TMEM132E: variants seen among roughly 807,000 people sequenced by gnomAD.
TMEM132E encodes transmembrane protein 132E.
Under a neutral mutation model 78.5 loss-of-function variants are expected in TMEM132E, and 49 were observed. The observed-to-expected ratio is 0.62, with a 90% CI of 0.50 to 0.79. The LOEUF (loss-of-function observed/expected upper bound fraction) is 0.79. Ranked by LOEUF, TMEM132E falls within the 30% of genes least tolerant of loss-of-function variation. The probability of loss-of-function intolerance (pLI) is 0.00; values close to 1 mark genes in which losing one functional copy is unlikely to be tolerated. For missense variants in TMEM132E, 1,403 were observed against 1,470.9 expected (o/e 0.95, Z 0.75); for synonymous variants, 715 against 670.6 (o/e 1.07, Z -1.02).
intron 1 of TMEM132E, among the ~76,000 whole-genome samples, chr17:34,582,535 A>G (rs1478175034): frequency 6.6e-6 from 1 of 151,702 alleles, no homozygotes; most frequent in Admixed American, 6.5e-5. Context: ...TTTTGCGTTC[A>G]GTTCACCAGA....
At chr17:34,581,940 G>T (rs1255667280) in intron 1 of TMEM132E, among the ~76,000 whole-genome samples, 1 of 152,076 alleles carries the variant, frequency 6.6e-6, no homozygotes, top group Non-Finnish European at 1.5e-5. Flanking sequence ...GCGGGTTTTT[G>T]AACAGCCCCC....
chr17:34,629,040 C>A lies in TMEM132E; in HGVS notation c.1174C>A (p.Gln392Lys). The part of the protein sequence containing the change: ...REGQGPLEIL[Q>K]LDFEMENFTS... ...GGGCCAGGGCCCCTTGGAGATCTTGCAGCTGGACTTTGAAATGGAGAACTT... is the reference window on the plus strand; with the variant it reads ...GGGCCAGGGCCCCTTGGAGATCTTGAAGCTGGACTTTGAAATGGAGAACTT... The change falls in exon 4 of 9, where the codon CAG becomes AAG. Residue 392 changes from glutamine (Q) to lysine (K), a missense_variant. Around this residue, in one of 3 missense-constraint regions of TMEM132E, gnomAD observed 888 missense variants for 952.8 expected, o/e 0.93. Coordinates refer to ENST00000631683, the MANE Select transcript of TMEM132E (RefSeq NM_001304438.2). 2.5e-6 allele frequency: 4 copies of A among 1,581,950 alleles called. No individual in the cohort carries two copies. The highest frequency in any genetic ancestry group is 2.6e-6 in the Non-Finnish European group (3 of 1,161,096).
At position 34,581,161 on chromosome 17, in the gene TMEM132E, G is replaced by T. The variant is rs1388764406; in HGVS notation, c.67+18G>T. 3 of 1,501,104 alleles carry T rather than the reference G, an allele frequency of 2.0e-6. No individual in the cohort carries two copies. The South Asian group carries it at 3.8e-5, about 19-fold the overall frequency. 93.0% of individuals were successfully genotyped at this position (1,501,104 alleles called of 1,614,324 possible). ...CGCCCACGGTAAGTGTCGCGGCGCG[G>T]ACTGGGGGTGAGGATGCGGCAGGCG... is the stretch of plus-strand genomic sequence containing the variant. On this transcript the variant is annotated intron_variant, in intron 1 of 8. Transcript: ENST00000631683.
At chr17:34,630,666 C>A (rs1339031487) in intron 5 of TMEM132E, among the ~76,000 whole-genome samples, 4 of 152,146 alleles carry the variant, frequency 2.6e-5, no homozygotes, top group Non-Finnish European at 5.9e-5. Flanking sequence ...CAGGAAGAAG[C>A]CTCAAGAAAC....
intron 1 of TMEM132E, among the ~76,000 whole-genome samples, chr17:34,593,770 T>C (rs759461266): frequency 2.0e-5 from 3 of 152,206 alleles, no homozygotes; most frequent in Non-Finnish European, 2.9e-5. Context: ...ACAAGTCAAA[T>C]CATCACCCTT....
At chr17:34,622,203 T>C (rs1906983740) in intron 1 of TMEM132E, among the ~76,000 whole-genome samples, 1 of 152,152 alleles carries the variant, frequency 6.6e-6, no homozygotes, top group South Asian at 2.1e-4. Flanking sequence ...ACCTCTTCCC[T>C]CTCTAGCCAC....
At chr17:34,608,147 G>A (rs75520479) in intron 1 of TMEM132E, among the ~76,000 whole-genome samples, 1,700 of 152,242 alleles carry the variant, frequency 0.011, 36 homozygotes, top group South Asian at 0.071. Context: ...CATAAACTCA[G>A]GTTTAGTTGA....
At chr17:34,581,669 C>G (rs1331168253) in intron 1 of TMEM132E, among the ~76,000 whole-genome samples, 1 of 151,870 alleles carries the variant, frequency 6.6e-6, no homozygotes, top group Non-Finnish European at 1.5e-5. Flanking sequence ...CCGCGGCTCG[C>G]ACGCCCGCGG....
intron 1 of TMEM132E, among the ~76,000 whole-genome samples, chr17:34,599,736 C>G (rs544432435): frequency 3.6e-4 from 55 of 152,262 alleles, no homozygotes; most frequent in African/African-American, 1.3e-3. Flanking sequence ...CTAATCTGGG[C>G]ACAGCCAGGG....
At position 34,592,351 on chromosome 17, in the gene TMEM132E, G is replaced by A. The variant is rs1358780370; in HGVS notation, c.67+11208G>A. 3.9e-5 allele frequency among the ~76,000 whole-genome samples: 6 copies of A among 152,304 alleles called. No homozygotes were observed. In the East Asian group the frequency reaches 1.2e-3, roughly 29 times the overall value. ...ACAATGCCAAAGTTGCACCCAGCTG[G>A]CAAGCCCACTGCTTCCTGAAATTTG... On this transcript the variant is annotated intron_variant, in intron 1 of 8. Coordinates refer to ENST00000631683, the MANE Select transcript of TMEM132E (RefSeq NM_001304438.2).
At position 34,626,818 on chromosome 17, in the gene TMEM132E, G is replaced by T; in HGVS notation, c.759G>T (p.Gly253=). The change falls in exon 2 of 9, where the codon GGG becomes GGT. Residue 253 remains glycine, a synonymous_variant. Coordinates refer to ENST00000631683, the MANE Select transcript of TMEM132E (RefSeq NM_001304438.2). ...GCGGGGGCTCCCGCCGGGGGGCCGGGCCCGGGGTGGGGGCCCGAGCGGAAA... is the reference window on the plus strand; with the variant it reads ...GCGGGGGCTCCCGCCGGGGGGCCGGTCCCGGGGTGGGGGCCCGAGCGGAAA... ...GGCGGSRRGA[G]PGVGARAESP... 1 of 1,539,774 alleles carries T rather than the reference G, an allele frequency of 6.5e-7. No homozygotes were observed. Among genetic ancestry groups the T allele is most frequent in the Non-Finnish European group, 8.7e-7 (1 of 1,148,264 alleles).
At position 34,619,593 on chromosome 17, in the gene TMEM132E, A is replaced by G. The variant is rs186283857; in HGVS notation, c.68-6534A>G. Among the ~76,000 whole-genome samples the G allele has an allele frequency of 1.4e-3, 205 of 151,666 alleles. 1 individual carries two copies. The highest frequency in any genetic ancestry group is 2.7e-3 in the South Asian group (13 of 4,784). ...TACTTGTCACCATTAACTATCAGCA[A>G]TGTCAGCGTTATGCTGTGCAAGTCA... On this transcript the variant is annotated intron_variant, in intron 1 of 8. Coordinates refer to ENST00000631683, the MANE Select transcript of TMEM132E (RefSeq NM_001304438.2).
intron 1 of TMEM132E, among the ~76,000 whole-genome samples, chr17:34,604,347 C>T (rs367680357): frequency 6.6e-6 from 1 of 152,330 alleles, no homozygotes; most frequent in East Asian, 1.9e-4. Flanking sequence ...TAGTCTTGGT[C>T]TCCCCAGCAC....
intron 5 of TMEM132E, among the ~76,000 whole-genome samples, chr17:34,631,102 G>A (rs1055223276): frequency 6.6e-5 from 10 of 152,204 alleles, no homozygotes; most frequent in African/African-American, 2.4e-4. Flanking sequence ...AAATAATTCA[G>A]CTTGAAGGAA....
At chr17:34,594,359 T>C (rs975401904) in intron 1 of TMEM132E, among the ~76,000 whole-genome samples, 7 of 152,188 alleles carry the variant, frequency 4.6e-5, no homozygotes, top group East Asian at 3.9e-4. Context: ...AGAAAGAAAA[T>C]GTATTCCTTC....
chr17:34,637,101 C>A, intron 8 of TMEM132E, 76 bp from the exon 9 acceptor site: 1 of 1,354,824 alleles, frequency 7.4e-7, no homozygotes, highest in African/African-American at 1.4e-5. Flanking sequence ...CCTGCCCCTA[C>A]AGAGCCCAGG....
At chr17:34,616,225 G>A (rs1906774721) in intron 1 of TMEM132E, among the ~76,000 whole-genome samples, 1 of 152,150 alleles carries the variant, frequency 6.6e-6, no homozygotes, top group African/African-American at 2.4e-5. Context: ...GGGATTCAGG[G>A]CAAAGTGGAG....
At chr17:34,603,047 T>C (rs755660167) in intron 1 of TMEM132E, among the ~76,000 whole-genome samples, 23 of 152,148 alleles carry the variant, frequency 1.5e-4, no homozygotes, top group Non-Finnish European at 2.9e-4. Flanking sequence ...CCTCCCAGCC[T>C]AGGCCTGTCT....
chr17:34,624,526 C>A (rs1352255538), intron 1 of TMEM132E, among the ~76,000 whole-genome samples: 1 of 152,188 alleles, frequency 6.6e-6, no homozygotes. Context: ...GGCATTGAAG[C>A]TGGACCCTGG....
Sources: allele counts gnomAD v4.1 joint callset (sites outside exome capture counted in the v4.1 genomes callset), GRCh38; gene constraint gnomAD v4.1.1; regional missense constraint gnomAD v4.1.1; transcripts MANE v1.5; gene names NCBI Gene and HGNC (gene_info 2026-07-23, HGNC 2026-07-21).